Variants in RBFOX1 observed in about 807,000 individuals in gnomAD.
The protein encoded by RBFOX1 is RNA binding protein fox-1 homolog 1.
Under a neutral mutation model 57.7 loss-of-function variants are expected in RBFOX1, and 8 were observed. The ratio of observed to expected loss-of-function variants is 0.14; its 90% CI spans 0.08 to 0.25. The LOEUF (loss-of-function observed/expected upper bound fraction) is 0.25, where lower values mean the gene tolerates loss of function less well. Among genes scored for constraint, RBFOX1 ranks in the 10% least tolerant of loss-of-function variants. The pLI, the probability that RBFOX1 is intolerant of heterozygous loss-of-function variation, is 1.00. For synonymous variants in RBFOX1, 326 were observed against 222.4 expected (o/e 1.47, Z -4.15); for missense variants, 611 against 548.5 (o/e 1.11, Z -1.14).
At chr16:6,761,851 A>C (rs1351661573) in intron 3 of RBFOX1, among the ~76,000 whole-genome samples, 1 of 151,736 alleles carries the variant, frequency 6.6e-6, no homozygotes, top group Admixed American at 6.6e-5. Flanking sequence ...CAGTCACTCA[A>C]AGCAACTACA....
chr16:7,129,898 C>G (rs2069750942), intron 4 of RBFOX1, among the ~76,000 whole-genome samples: 1 of 151,972 alleles, frequency 6.6e-6, no homozygotes, highest in African/African-American at 2.4e-5. Context: ...ATGAATGACC[C>G]TCTAGATGAT....
intron 1 of RBFOX1, among the ~76,000 whole-genome samples, chr16:6,094,702 C>T (rs1343543620): frequency 6.6e-6 from 1 of 152,190 alleles, no homozygotes; most frequent in East Asian, 1.9e-4. Flanking sequence ...TCAGTTTCCT[C>T]ATCTGCACAT....
intron 4 of RBFOX1, among the ~76,000 whole-genome samples, chr16:7,192,208 G>T (rs375179773): frequency 6.6e-6 from 1 of 152,336 alleles, no homozygotes; most frequent in Non-Finnish European, 1.5e-5. Flanking sequence ...AGAATCTCCT[G>T]TGTTTTACTG....
chr16:5,781,491 C>A, intron 3 of RBFOX1, among the ~76,000 whole-genome samples: 1 of 152,200 alleles, frequency 6.6e-6, no homozygotes, highest in East Asian at 1.9e-4. Flanking sequence ...AACACCCACA[C>A]ATATTTACAA....
chr16:6,119,239 A>G (rs867103922), intron 1 of RBFOX1, among the ~76,000 whole-genome samples: 35 of 152,002 alleles, frequency 2.3e-4, no homozygotes, highest in African/African-American at 8.5e-4. Flanking sequence ...AATTATTAAT[A>G]TTAATTTTAG....
At chr16:5,681,193 C>A (rs2050321537) in intron 3 of RBFOX1, among the ~76,000 whole-genome samples, 1 of 151,548 alleles carries the variant, frequency 6.6e-6, no homozygotes, top group South Asian at 2.1e-4. Context: ...CATGCCTCAG[C>A]CTCCCGAGTA....
In RBFOX1 at chr16:6,720,321, C is replaced by A. The variant is rs141707901; in HGVS notation, c.-16+65671C>A. On this transcript the variant is annotated intron_variant, in intron 3 of 15. Transcript: ENST00000550418. Reference sequence around the variant, plus strand: ...CTGCTACGTAAGACATGCCAGCTTCCCTTTTGCCTTCTGCCCTAATTGAAA... The same window carrying A: ...CTGCTACGTAAGACATGCCAGCTTCACTTTTGCCTTCTGCCCTAATTGAAA... Among the ~76,000 whole-genome samples the A allele has an allele frequency of 3.9e-5, 6 of 152,260 alleles. No homozygotes were observed. In the East Asian group the frequency reaches 1.2e-3, roughly 29 times the overall value.
intron 3 of RBFOX1, among the ~76,000 whole-genome samples, chr16:5,764,689 C>T (rs184103748): frequency 6.6e-6 from 1 of 152,156 alleles, no homozygotes; most frequent in East Asian, 1.9e-4. Flanking sequence ...TTCCCTCACA[C>T]CTGTACACTT....
chr16:6,688,880 A>C (rs12919057), intron 3 of RBFOX1, among the ~76,000 whole-genome samples: 5 of 152,220 alleles, frequency 3.3e-5, no homozygotes, highest in Non-Finnish European at 4.4e-5. Context: ...GAGGGAGAAC[A>C]TGCAGTACTT....
chr16:6,552,573 A>T (rs1342021045), intron 2 of RBFOX1, among the ~76,000 whole-genome samples: 1 of 152,240 alleles, frequency 6.6e-6, no homozygotes, highest in African/African-American at 2.4e-5. Flanking sequence ...GATGGCAATG[A>T]TAAACAACAA....
At chr16:6,726,618 A>T (rs2067248660) in intron 3 of RBFOX1, among the ~76,000 whole-genome samples, 1 of 152,176 alleles carries the variant, frequency 6.6e-6, no homozygotes, top group African/African-American at 2.4e-5. Flanking sequence ...CTATCAGTTC[A>T]GCAAACACTA....
At chr16:5,464,079 C>T (rs913492681) in intron 1 of RBFOX1, among the ~76,000 whole-genome samples, 1 of 152,136 alleles carries the variant, frequency 6.6e-6, no homozygotes, top group Non-Finnish European at 1.5e-5. Context: ...GGGCTTCAGG[C>T]TCAATGGGCT....
At chr16:6,279,583 TTATC>T (rs1489269233) in intron 1 of RBFOX1, among the ~76,000 whole-genome samples, 2 of 152,188 alleles carry the variant, frequency 1.3e-5, no homozygotes, top group African/African-American at 4.8e-5. Flanking sequence ...ACAGATCTGA[TTATC>T]TATTGGCCTT....
At chr16:7,142,601 C>A (rs1273219166) in intron 4 of RBFOX1, among the ~76,000 whole-genome samples, 1 of 152,090 alleles carries the variant, frequency 6.6e-6, no homozygotes. Context: ...TGGGATTTTC[C>A]CTTATCTACT....
chr16:6,882,304 G>A (rs145373870), intron 3 of RBFOX1, among the ~76,000 whole-genome samples: 280 of 152,226 alleles, frequency 1.8e-3, no homozygotes, highest in African/African-American at 6.5e-3. Flanking sequence ...TGTGCACTGG[G>A]TCTCATCCTT....
intron 2 of RBFOX1, among the ~76,000 whole-genome samples, chr16:5,493,838 G>A (rs11647706): frequency 0.13 from 19,281 of 152,174 alleles, 1,548 homozygotes; most frequent in Non-Finnish European, 0.18. Flanking sequence ...TTGTACCAGC[G>A]TTGGAGGGAA....
chr16:5,661,774 C>T (rs2049659857), intron 3 of RBFOX1, among the ~76,000 whole-genome samples: 1 of 152,112 alleles, frequency 6.6e-6, no homozygotes, highest in Non-Finnish European at 1.5e-5. Flanking sequence ...ACATTGGATT[C>T]CCAAAACTTA....
At chr16:7,267,349 A>T (rs1236167695) in intron 4 of RBFOX1, among the ~76,000 whole-genome samples, 1 of 152,160 alleles carries the variant, frequency 6.6e-6, no homozygotes, top group Non-Finnish European at 1.5e-5. Context: ...AGCCTGGGCA[A>T]CATGGCAAAA....
At chr16:6,811,678 T>G (rs1027381521) in intron 3 of RBFOX1, among the ~76,000 whole-genome samples, 4 of 152,080 alleles carry the variant, frequency 2.6e-5, no homozygotes, top group African/African-American at 7.2e-5. Flanking sequence ...TCATCTGAAG[T>G]CAGGAGTTTA....
Sources: gnomAD v4.1 joint callset for allele counts (sites outside exome capture counted in the v4.1 genomes callset) on GRCh38, gnomAD v4.1.1 for gene constraint, MANE v1.5 for transcripts, NCBI Gene and HGNC (gene_info 2026-07-23, HGNC 2026-07-21) for gene names.